Variants in PRKAR1A observed in about 807,000 individuals in gnomAD.
The protein encoded by PRKAR1A is protein kinase cAMP-dependent type I regulatory subunit alpha.
Under a neutral mutation model 52.0 loss-of-function variants are expected in PRKAR1A, and 3 were observed. The ratio of observed to expected loss-of-function variants is 0.06; its 90% confidence interval spans 0.03 to 0.15. PRKAR1A has a LOEUF of 0.15. PRKAR1A is among the 10% of genes least tolerant of loss of function. PRKAR1A has a pLI of 1.00. For synonymous variants in PRKAR1A, 188 were observed against 168.4 expected (o/e 1.12, Z -0.90); for missense variants, 240 against 477.4 (o/e 0.50, Z 4.63).
chr17:68,464,468 G>A, the PRKAR1A span, among the ~76,000 whole-genome samples: 2 of 152,158 alleles, frequency 1.3e-5, no homozygotes, highest in South Asian at 2.1e-4. Flanking sequence ...GGATCGTGAG[G>A]TCAGGAGTTC....
chr17:68,490,093 T>C, the PRKAR1A span, among the ~76,000 whole-genome samples: 3 of 152,220 alleles, frequency 2.0e-5, no homozygotes, highest in East Asian at 5.8e-4. Flanking sequence ...TCATTTTACT[T>C]GCCTCCCTTG....
chr17:68,506,190 C>T, the PRKAR1A span, among the ~76,000 whole-genome samples: 2 of 151,802 alleles, frequency 1.3e-5, no homozygotes, highest in East Asian at 1.9e-4. Flanking sequence ...CTACCACAGG[C>T]CACTGATCAC....
chr17:68,471,619 T>G, the PRKAR1A span, among the ~76,000 whole-genome samples: 2 of 152,044 alleles, frequency 1.3e-5, no homozygotes, highest in Non-Finnish European at 2.9e-5. Flanking sequence ...GTTGGGGCCA[T>G]GAGAGGGGAT....
intron 11 of PRKAR1A, among the ~76,000 whole-genome samples, chr17:68,543,219 C>T (rs772571038): frequency 2.6e-5 from 4 of 152,078 alleles, no homozygotes; most frequent in Non-Finnish European, 4.4e-5. Flanking sequence ...CATGACGCTA[C>T]AGACCACACT....
At chr17:68,448,415 C>T in the PRKAR1A span, 11 of 152,106 alleles carry the variant, frequency 7.2e-5, no homozygotes, top group Non-Finnish European at 1.0e-4. Context: ...ATCTTGGTTC[C>T]GAGAACTGTT....
intron 9 of PRKAR1A, among the ~76,000 whole-genome samples, 175 bp downstream of exon 9, chr17:68,529,166 G>C (rs895216774): frequency 7.9e-5 from 12 of 152,122 alleles, no homozygotes; most frequent in African/African-American, 2.9e-4. Context: ...TTGAAATGCT[G>C]TTGTTTGGTT....
chr17:68,541,899 C>T, intron 11 of PRKAR1A: 1 of 1,491,962 alleles, frequency 6.7e-7, no homozygotes, highest in Non-Finnish European at 9.1e-7. Context: ...TTTTCAGATT[C>T]AAAAGCCAAG....
the PRKAR1A span, among the ~76,000 whole-genome samples, chr17:68,498,290 T>C: frequency 6.6e-6 from 1 of 152,216 alleles, no homozygotes; most frequent in Non-Finnish European, 1.5e-5. Context: ...ACCACACAGC[T>C]TGAATATTTG....
chr17:68,459,546 G>C, the PRKAR1A span, among the ~76,000 whole-genome samples: 1 of 152,134 alleles, frequency 6.6e-6, no homozygotes, highest in Admixed American at 6.6e-5. Context: ...AAGTCTTTAG[G>C]GGACTAATGT....
At chr17:68,439,858 G>C in the PRKAR1A span, among the ~76,000 whole-genome samples, 1 of 152,130 alleles carries the variant, frequency 6.6e-6, no homozygotes, top group African/African-American at 2.4e-5. Context: ...CCAAGCCTTC[G>C]TTTCTTACTT....
chr17:68,445,883 G>A, the PRKAR1A span, among the ~76,000 whole-genome samples: 5 of 152,024 alleles, frequency 3.3e-5, no homozygotes, highest in Non-Finnish European at 5.9e-5. Flanking sequence ...TGCCCAAGGA[G>A]CTGCCCAAGG....
At chr17:68,444,545 A>C in the PRKAR1A span, 1 of 1,614,076 alleles carries the variant, frequency 6.2e-7, no homozygotes, top group Non-Finnish European at 8.5e-7. Context: ...TCATGTCTTT[A>C]ATGTTGTGAA....
the PRKAR1A span, among the ~76,000 whole-genome samples, chr17:68,415,716 A>G: frequency 1.3e-5 from 2 of 152,142 alleles, no homozygotes; most frequent in Non-Finnish European, 2.9e-5. Flanking sequence ...TTAGGAGCAT[A>G]TATGTTTAGG....
the PRKAR1A span, among the ~76,000 whole-genome samples, chr17:68,485,222 AC>A: frequency 6.6e-6 from 1 of 152,210 alleles, no homozygotes; most frequent in Non-Finnish European, 1.5e-5. Flanking sequence ...TAAGCTCAAG[AC>A]AGATGGAGAG....
At chr17:68,496,023 CCTCCTCTCCCCTCCTCTCCT>C in the PRKAR1A span, among the ~76,000 whole-genome samples, 1 of 1,588 alleles carries the variant, frequency 6.3e-4, no homozygotes, top group African/African-American at 3.9e-3. Flanking sequence ...CCTGCGCTCC[CCTCCTCTCCCCTCCTCTCCT>C]CTCCTCTCCT....
At chr17:68,496,818 CTTTTTTTTTTTTTT>C in the PRKAR1A span, among the ~76,000 whole-genome samples, 6 of 91,242 alleles carry the variant, frequency 6.6e-5, no homozygotes, top group African/African-American at 2.4e-4. Context: ...TTAGTTTTTA[CTTTTTTTTTTTTTT>C]TTTTTTTTTT....
At chr17:68,511,137 G>C (rs887902204), upstream of PRKAR1A, among the ~76,000 whole-genome samples, 5 of 152,146 alleles carry the variant, frequency 3.3e-5, no homozygotes, top group African/African-American at 1.2e-4. Context: ...TACAGCCCTT[G>C]AAGTATATAC....
At chr17:68,451,680 C>G in the PRKAR1A span, among the ~76,000 whole-genome samples, 19 of 152,316 alleles carry the variant, frequency 1.2e-4, no homozygotes, top group South Asian at 3.5e-3. Context: ...AGAGGGGTGC[C>G]AATATGGGAG....
At chr17:68,421,762 T>C in the PRKAR1A span, 3 of 1,614,074 alleles carry the variant, frequency 1.9e-6, no homozygotes, top group African/African-American at 1.3e-5. Context: ...ATTTCTGAGG[T>C]GTGCTTCTCA....
Sources: gnomAD v4.1 joint callset for allele counts (sites outside exome capture counted in the v4.1 genomes callset) on GRCh38, gnomAD v4.1.1 for gene constraint, MANE v1.5 for transcripts, NCBI Gene and HGNC (gene_info 2026-07-23, HGNC 2026-07-21) for gene names.